KRABD2: variants seen among roughly 807,000 people sequenced by gnomAD.
KRABD2 encodes KRAB domain-containing protein 2.
At chr17:8,370,285 C>A in the KRABD2 span, 4 of 1,612,882 alleles carry the variant, frequency 2.5e-6, no homozygotes, top group Non-Finnish European at 2.5e-6. Context: ...AGAAACTTTT[C>A]TCTCATGTTA....
the KRABD2 span, among the ~76,000 whole-genome samples, chr17:8,360,071 G>A: frequency 2.0e-5 from 3 of 152,030 alleles, no homozygotes; most frequent in Non-Finnish European, 2.9e-5. Context: ...GTAATGTCGC[G>A]GGAAATGCAT....
the KRABD2 span, among the ~76,000 whole-genome samples, chr17:8,374,790 C>CA: frequency 6.7e-6 from 1 of 149,960 alleles, no homozygotes; most frequent in East Asian, 2.0e-4. Context: ...ACCAAAAATA[C>CA]AAAAAATTAG....
At chr17:8,374,628 T>TAAA in the KRABD2 span, among the ~76,000 whole-genome samples, 103 of 71,404 alleles carry the variant, frequency 1.4e-3, 1 homozygote, top group African/African-American at 5.3e-3. Flanking sequence ...CAATAAATAC[T>TAAA]AAAAAAAAAA....
the KRABD2 span, chr17:8,365,427 A>G: frequency 1.3e-5 from 2 of 152,220 alleles, no homozygotes; most frequent in Non-Finnish European, 2.9e-5. Flanking sequence ...AAGAAAGACA[A>G]TGGGTTGGAA....
chr17:8,364,898 G>A, the KRABD2 span, among the ~76,000 whole-genome samples: 1 of 152,056 alleles, frequency 6.6e-6, no homozygotes, highest in African/African-American at 2.4e-5. The surrounding 1 kb of genome is among the most constrained non-coding windows in gnomAD (Gnocchi z 4.4). Context: ...GCCAGGCGTG[G>A]TGGCGGGCAC....
chr17:8,362,060 C>A, the KRABD2 span, among the ~76,000 whole-genome samples: 1 of 152,040 alleles, frequency 6.6e-6, no homozygotes, highest in Non-Finnish European at 1.5e-5. This position sits in a 1 kb window ranked among gnomAD's most constrained non-coding sequence, Gnocchi z 4.2. Flanking sequence ...GGCGTGGTGG[C>A]TCACGCCTGT....
At chr17:8,363,034 T>C in the KRABD2 span, among the ~76,000 whole-genome samples, 1 of 152,242 alleles carries the variant, frequency 6.6e-6, no homozygotes, top group African/African-American at 2.4e-5. Context: ...GTTACAGATA[T>C]ACTGTTGCAT....
the KRABD2 span, chr17:8,367,119 G>A: frequency 6.6e-6 from 1 of 152,174 alleles, no homozygotes; most frequent in Non-Finnish European, 1.5e-5. Context: ...AGTCCCACCA[G>A]CTTTACATTC....
chr17:8,376,043 T>C, the KRABD2 span: 2 of 1,231,740 alleles, frequency 1.6e-6, no homozygotes, highest in East Asian at 6.3e-5. Context: ...CAACAACCTG[T>C]ACCACACTCA....
chr17:8,370,132 T>G, the KRABD2 span: 6 of 1,614,090 alleles, frequency 3.7e-6, no homozygotes, highest in Non-Finnish European at 5.1e-6. Flanking sequence ...ACATCATATT[T>G]TGCTGCACGG....
the KRABD2 span, among the ~76,000 whole-genome samples, chr17:8,367,471 C>T: frequency 6.6e-6 from 1 of 151,302 alleles, no homozygotes; most frequent in African/African-American, 2.4e-5. Flanking sequence ...TGCACTCCAG[C>T]CTGGGCGACA....
the KRABD2 span, chr17:8,371,558 G>A: frequency 2.3e-5 from 36 of 1,567,026 alleles, no homozygotes; most frequent in African/African-American, 6.8e-5. Context: ...CTCTGAAAGC[G>A]AGTCAGGTGA....
At chr17:8,359,663 C>T in the KRABD2 span, 5 of 455,972 alleles carry the variant, frequency 1.1e-5, no homozygotes, top group Non-Finnish European at 2.2e-5. Flanking sequence ...CTTCCTGATA[C>T]AGAGGGCCCC....
the KRABD2 span, chr17:8,359,669 G>A: frequency 1.1e-5 from 5 of 455,996 alleles, no homozygotes; most frequent in South Asian, 3.1e-5. Flanking sequence ...GATACAGAGG[G>A]CCCCTGCACC....
the KRABD2 span, chr17:8,360,035 G>A: frequency 1.4e-5 from 5 of 360,132 alleles, no homozygotes; most frequent in South Asian, 4.1e-5. Context: ...AGGCTCACAA[G>A]CACTCATCTG....
At chr17:8,366,219 C>T in the KRABD2 span, among the ~76,000 whole-genome samples, 2 of 152,154 alleles carry the variant, frequency 1.3e-5, no homozygotes, top group Non-Finnish European at 1.5e-5. Flanking sequence ...TCATTAAATT[C>T]ACTGAACACT....
the KRABD2 span, chr17:8,369,388 C>G: frequency 6.2e-7 from 1 of 1,614,250 alleles, no homozygotes; most frequent in Non-Finnish European, 8.5e-7. Context: ...AACATTGCCT[C>G]AAATGGACTT....
chr17:8,368,582 T>C, the KRABD2 span: 1 of 152,126 alleles, frequency 6.6e-6, no homozygotes, highest in African/African-American at 2.4e-5. Flanking sequence ...TTTCAGACTT[T>C]GGGCCTCCAG....
chr17:8,369,666 A>G, the KRABD2 span: 5 of 1,614,256 alleles, frequency 3.1e-6, no homozygotes, highest in East Asian at 4.5e-5. Context: ...GGGTGTACCA[A>G]GAATTGTGAA....
Sources: gnomAD v4.1 joint callset for allele counts (sites outside exome capture counted in the v4.1 genomes callset) on GRCh38, gnomAD v4.1.1 for gene constraint, Gnocchi (gnomAD v3.1) non-coding constraint, MANE v1.5 for transcripts, NCBI Gene and HGNC (gene_info 2026-07-23, HGNC 2026-07-21) for gene names.